The following TAS2R1 variants were observed in gnomAD, a reference collection of about 807,000 sequenced individuals.
TAS2R1 encodes taste 2 receptor member 1.
For synonymous variants in TAS2R1, 141 were observed against 134.2 expected (o/e 1.05, Z -0.35); for missense variants, 370 against 353.4 (o/e 1.05, Z -0.38).
chr5:9,728,969 G>A, the TAS2R1 span, among the ~76,000 whole-genome samples: 9 of 152,352 alleles, frequency 5.9e-5, no homozygotes, highest in Middle Eastern at 3.4e-3. Flanking sequence ...CTGCTGAGGA[G>A]ACAAAGCCTG....
intron 2 of TAS2R1, among the ~76,000 whole-genome samples, chr5:9,645,822 G>T (rs1471565622): frequency 6.6e-6 from 1 of 152,072 alleles, no homozygotes; most frequent in Non-Finnish European, 1.5e-5. Flanking sequence ...GGACAAAAGT[G>T]CCCAGAAAAG....
At chr5:9,746,858 A>G in the TAS2R1 span, among the ~76,000 whole-genome samples, 1 of 152,162 alleles carries the variant, frequency 6.6e-6, no homozygotes, top group Non-Finnish European at 1.5e-5. Flanking sequence ...AGGTGCAGCA[A>G]ACCACCATGG....
At chr5:9,665,247 G>A (rs963754192) in intron 1 of TAS2R1, among the ~76,000 whole-genome samples, 5 of 152,164 alleles carry the variant, frequency 3.3e-5, no homozygotes, top group African/African-American at 9.7e-5. Context: ...GTTCTCTCTG[G>A]CTTCCTCTCT....
the TAS2R1 span, among the ~76,000 whole-genome samples, chr5:9,785,931 T>C: frequency 1.3e-5 from 2 of 152,150 alleles, no homozygotes; most frequent in Non-Finnish European, 2.9e-5. Context: ...CCTCCAAAGT[T>C]ATATGACCAC....
chr5:9,848,107 T>G, the TAS2R1 span, among the ~76,000 whole-genome samples: 1 of 152,226 alleles, frequency 6.6e-6, no homozygotes, highest in South Asian at 2.1e-4. Flanking sequence ...TGAATACTTC[T>G]TAAGTCCCAA....
chr5:9,895,377 C>A, the TAS2R1 span, among the ~76,000 whole-genome samples: 1 of 152,164 alleles, frequency 6.6e-6, no homozygotes, highest in South Asian at 2.1e-4. Context: ...GGAAATGGCA[C>A]AGATGAAGGG....
At chr5:9,694,813 G>T (rs1037655535) in intron 1 of TAS2R1, among the ~76,000 whole-genome samples, 3 of 152,034 alleles carry the variant, frequency 2.0e-5, no homozygotes, top group African/African-American at 7.2e-5. Flanking sequence ...ATATCCCATG[G>T]GGGTCATTGC....
At chr5:9,797,779 T>C in the TAS2R1 span, among the ~76,000 whole-genome samples, 4 of 152,284 alleles carry the variant, frequency 2.6e-5, no homozygotes, top group South Asian at 4.1e-4. Context: ...CTTTTTGAAA[T>C]ACCTTGCAAA....
intron 1 of TAS2R1, among the ~76,000 whole-genome samples, chr5:9,701,172 T>C (rs1238130882): frequency 6.7e-6 from 1 of 150,032 alleles, no homozygotes; most frequent in Non-Finnish European, 1.5e-5. Context: ...AGACAAGGGA[T>C]TCAAGCTGAA....
the TAS2R1 span, among the ~76,000 whole-genome samples, chr5:9,868,892 A>T: frequency 2.6e-5 from 4 of 152,308 alleles, no homozygotes; most frequent in African/African-American, 9.6e-5. Flanking sequence ...TTGCCTAGCT[A>T]TAGTGACCTT....
At chr5:9,815,881 G>C in the TAS2R1 span, among the ~76,000 whole-genome samples, 5 of 152,158 alleles carry the variant, frequency 3.3e-5, no homozygotes, top group Admixed American at 6.5e-5. Flanking sequence ...GGAATGGCAA[G>C]AATGAGAAGT....
At chr5:9,786,139 G>A in the TAS2R1 span, among the ~76,000 whole-genome samples, 2 of 152,260 alleles carry the variant, frequency 1.3e-5, no homozygotes, top group Non-Finnish European at 1.5e-5. Flanking sequence ...ACTCATACAC[G>A]ACTGGGCAGG....
At chr5:9,761,802 G>A in the TAS2R1 span, among the ~76,000 whole-genome samples, 2 of 152,328 alleles carry the variant, frequency 1.3e-5, no homozygotes, top group African/African-American at 4.8e-5. Flanking sequence ...TGGTAAAAAT[G>A]CTCAGACCAC....
chr5:9,742,429 T>C, the TAS2R1 span, among the ~76,000 whole-genome samples: 1 of 152,226 alleles, frequency 6.6e-6, no homozygotes, highest in African/African-American at 2.4e-5. Flanking sequence ...GATTTGTACA[T>C]GCTAATCTCA....
At chr5:9,811,416 T>C in the TAS2R1 span, among the ~76,000 whole-genome samples, 3 of 152,112 alleles carry the variant, frequency 2.0e-5, no homozygotes, top group Non-Finnish European at 4.4e-5. Flanking sequence ...AAGAGTGAGG[T>C]CTGTTCATGA....
upstream of TAS2R1, among the ~76,000 whole-genome samples, chr5:9,712,552 A>C (rs1734710219): frequency 6.6e-6 from 1 of 152,220 alleles, no homozygotes; most frequent in Non-Finnish European, 1.5e-5. Context: ...TCAAAACTGC[A>C]ATACAGAAAG....
the TAS2R1 span, among the ~76,000 whole-genome samples, chr5:9,819,583 T>C: frequency 2.6e-5 from 4 of 152,300 alleles, no homozygotes; most frequent in Non-Finnish European, 5.9e-5. Flanking sequence ...AGCTTCCCAG[T>C]TGTCTGGATG....
the TAS2R1 span, among the ~76,000 whole-genome samples, chr5:9,872,400 T>C: frequency 3.9e-5 from 6 of 152,164 alleles, no homozygotes; most frequent in African/African-American, 1.4e-4. Context: ...TTTATAATTA[T>C]TTTCCCCTTT....
intron 1 of TAS2R1, among the ~76,000 whole-genome samples, chr5:9,673,886 C>T (rs1239195788): frequency 2.6e-5 from 4 of 152,146 alleles, no homozygotes; most frequent in African/African-American, 9.7e-5. Flanking sequence ...AAGCTCATCC[C>T]CTAAATGAGA....
Sources: gnomAD v4.1 joint callset for allele counts (sites outside exome capture counted in the v4.1 genomes callset) on GRCh38, gnomAD v4.1.1 for gene constraint, MANE v1.5 for transcripts, NCBI Gene and HGNC (gene_info 2026-07-23, HGNC 2026-07-21) for gene names.